The following CCDC85A variants were observed in gnomAD, a reference collection of about 807,000 sequenced individuals.
CCDC85A encodes coiled-coil domain containing 85A.
A neutral mutation model predicts 50.2 loss-of-function variants in CCDC85A; 38 were observed. The observed-to-expected ratio is 0.76, with a 90% CI of 0.58 to 0.99. The LOEUF (loss-of-function observed/expected upper bound fraction) is 0.99. Ranked by LOEUF, CCDC85A falls within the 50% of genes least tolerant of loss-of-function variation. The probability of loss-of-function intolerance (pLI) is 0.00; values close to 1 mark genes in which losing one functional copy is unlikely to be tolerated. For missense variants in CCDC85A, 820 were observed against 742.0 expected, an observed-to-expected ratio of 1.11 and a Z score of -1.22; for synonymous variants, 366 against 301.4, an observed-to-expected ratio of 1.21 and a Z score of -2.22.
intron 2 of CCDC85A, among the ~76,000 whole-genome samples, chr2:56,226,149 T>C (rs1219861822): frequency 6.6e-6 from 1 of 152,182 alleles, no homozygotes; most frequent in African/African-American, 2.4e-5. Flanking sequence ...GACTCCAAGC[T>C]TTGTAGTCAA....
chr2:56,298,231 G>A (rs1207801360), intron 2 of CCDC85A, among the ~76,000 whole-genome samples: 2 of 152,168 alleles, frequency 1.3e-5, no homozygotes, highest in South Asian at 2.1e-4. Context: ...GAGGGAATGC[G>A]CGGGACTGAA....
intron 2 of CCDC85A, among the ~76,000 whole-genome samples, chr2:56,236,026 G>T (rs759070076): frequency 6.6e-6 from 1 of 152,190 alleles, no homozygotes. Flanking sequence ...ATAAAAAAGA[G>T]TGAGATGTTC....
chr2:56,366,667 C>T (rs1326358471), intron 3 of CCDC85A, among the ~76,000 whole-genome samples: 1 of 152,128 alleles, frequency 6.6e-6, no homozygotes, highest in African/African-American at 2.4e-5. Flanking sequence ...TAGGAACTCA[C>T]ATTAGCCAGT....
chr2:56,234,147 A>G (rs1055901902), intron 2 of CCDC85A, among the ~76,000 whole-genome samples: 2 of 152,162 alleles, frequency 1.3e-5, no homozygotes, highest in African/African-American at 2.4e-5. Flanking sequence ...TGTAGTTAAC[A>G]TCCAGTGCTG....
intron 5 of CCDC85A, among the ~76,000 whole-genome samples, chr2:56,378,184 G>C (rs1676427454): frequency 6.6e-6 from 1 of 152,194 alleles, no homozygotes; most frequent in African/African-American, 2.4e-5. Context: ...GCTGTCTAGA[G>C]CTGATTTATA....
At chr2:56,265,689 T>C (rs1045864356) in intron 2 of CCDC85A, among the ~76,000 whole-genome samples, 1 of 152,046 alleles carries the variant, frequency 6.6e-6, no homozygotes, top group Non-Finnish European at 1.5e-5. Context: ...TTGCACACGG[T>C]TGGTGGTATT....
At chr2:56,360,191 T>G (rs1675452248) in intron 3 of CCDC85A, among the ~76,000 whole-genome samples, 2 of 152,254 alleles carry the variant, frequency 1.3e-5, no homozygotes, top group Non-Finnish European at 2.9e-5. Flanking sequence ...GCATTCACAA[T>G]GCTTGGTCAG....
intron 2 of CCDC85A, among the ~76,000 whole-genome samples, chr2:56,277,175 C>G (rs552522781): frequency 1.3e-5 from 2 of 152,162 alleles, no homozygotes; most frequent in African/African-American, 4.8e-5. Context: ...AAGTTGCCAA[C>G]TTCCTTGATG....
intron 2 of CCDC85A, among the ~76,000 whole-genome samples, chr2:56,264,035 A>G (rs878950720): frequency 6.6e-6 from 1 of 152,174 alleles, no homozygotes; most frequent in South Asian, 2.1e-4. Flanking sequence ...AAATTTCACA[A>G]TGTCTTAAGG....
At chr2:56,306,498 C>T (rs1265662725) in intron 2 of CCDC85A, among the ~76,000 whole-genome samples, 1 of 152,132 alleles carries the variant, frequency 6.6e-6, no homozygotes, top group Non-Finnish European at 1.5e-5. Flanking sequence ...CAAATTTTAA[C>T]TCACATTATA....
chr2:56,235,622 C>G (rs1372012916), intron 2 of CCDC85A, among the ~76,000 whole-genome samples: 1 of 152,058 alleles, frequency 6.6e-6, no homozygotes, highest in East Asian at 1.9e-4. Flanking sequence ...TAATGCTGAG[C>G]ACAGGCATCA....
At chr2:56,376,000 C>G in intron 5 of CCDC85A, 65 bp downstream of exon 5, 1 of 1,547,744 alleles carries the variant, frequency 6.5e-7, no homozygotes, top group South Asian at 1.2e-5. Flanking sequence ...TCGCTGTAGT[C>G]TAGTAGTCCT....
chr2:56,325,796 T>C (rs1673436838), intron 2 of CCDC85A, among the ~76,000 whole-genome samples: 1 of 152,166 alleles, frequency 6.6e-6, no homozygotes. Context: ...TCTGTATTTC[T>C]TAAGCCCACT....
chr2:56,261,779 A>G (rs1670229315), intron 2 of CCDC85A, among the ~76,000 whole-genome samples: 1 of 152,186 alleles, frequency 6.6e-6, no homozygotes, highest in African/African-American at 2.4e-5. Context: ...ACTGACCTGT[A>G]GGCTGGTTGG....
intron 2 of CCDC85A, among the ~76,000 whole-genome samples, chr2:56,195,127 A>G (rs141482409): frequency 2.2e-3 from 333 of 152,358 alleles, no homozygotes; most frequent in Middle Eastern, 0.01. Context: ...AGAAAATATT[A>G]GGGACAAGTG....
intron 2 of CCDC85A, among the ~76,000 whole-genome samples, chr2:56,240,045 C>T (rs1669185588): frequency 6.6e-6 from 1 of 152,042 alleles, no homozygotes; most frequent in South Asian, 2.1e-4. Context: ...TCCTAAAATT[C>T]ACCCTTTTAC....
chr2:56,302,955 G>C (rs77569733), intron 2 of CCDC85A, among the ~76,000 whole-genome samples: 5 of 152,120 alleles, frequency 3.3e-5, no homozygotes, highest in Admixed American at 2.0e-4. Context: ...AAAACCAAGT[G>C]GGGGGAAGTT....
intron 5 of CCDC85A, among the ~76,000 whole-genome samples, chr2:56,381,888 T>G (rs1573380913): frequency 6.6e-6 from 1 of 152,168 alleles, no homozygotes; most frequent in Admixed American, 6.6e-5. Flanking sequence ...AAAAATAAAT[T>G]GAAAGGCACC....
intron 2 of CCDC85A, among the ~76,000 whole-genome samples, chr2:56,291,488 A>G (rs7355411): frequency 0.2 from 30,834 of 152,184 alleles, 4,625 homozygotes; most frequent in African/African-American, 0.41. Flanking sequence ...ACTATGGCTA[A>G]GGCGATTGGA....
Sources: allele counts gnomAD v4.1 joint callset (sites outside exome capture counted in the v4.1 genomes callset), GRCh38; gene constraint gnomAD v4.1.1; transcripts MANE v1.5; gene names NCBI Gene and HGNC (gene_info 2026-07-23, HGNC 2026-07-21).